Variants in FNDC3B observed in about 807,000 individuals in gnomAD.
The protein encoded by FNDC3B is fibronectin type III domain containing 3B, also known as fibronectin type III domain-containing protein 3B.
A neutral mutation model predicts 151.5 loss-of-function variants in FNDC3B; 12 were observed. The ratio of observed to expected loss-of-function variants is 0.08; its 90% confidence interval spans 0.05 to 0.13. FNDC3B has a LOEUF of 0.13. Ranked by LOEUF, FNDC3B falls within the 10% of genes least tolerant of loss-of-function variation. The probability of loss-of-function intolerance (pLI) is 1.00; values close to 1 mark genes in which losing one functional copy is unlikely to be tolerated. For missense variants in FNDC3B, 1,214 were observed against 1,505.3 expected (o/e 0.81, Z 3.20); for synonymous variants, 528 against 549.0 (o/e 0.96, Z 0.54).
chr3:172,384,701 C>G lies in FNDC3B; in HGVS notation c.3303+3608C>G, dbSNP rs1249595983. 2.0e-5 allele frequency among the ~76,000 whole-genome samples: 3 copies of G among 152,312 alleles called. No homozygotes were observed. In the East Asian group the frequency reaches 5.8e-4, roughly 29 times the overall value. On this transcript the variant is annotated intron_variant, in intron 25 of 25. Coordinates refer to ENST00000415807, the MANE Select transcript of FNDC3B (RefSeq NM_022763.4). ...AAAAAGCAGCATTATTTGCTTGATA[C>G]CTATACACATCAGGCATTGCCAAAC... is the stretch of plus-strand genomic sequence containing the variant.
chr3:172,224,142 A>G (rs1726431047), intron 3 of FNDC3B, among the ~76,000 whole-genome samples: 1 of 152,246 alleles, frequency 6.6e-6, no homozygotes, highest in African/African-American at 2.4e-5. Context: ...AGGATGGGGC[A>G]GACATCATTG....
At chr3:172,371,949 C>T (rs1194086896) in intron 23 of FNDC3B, among the ~76,000 whole-genome samples, 1 of 152,174 alleles carries the variant, frequency 6.6e-6, no homozygotes. Context: ...GTATTAAAAA[C>T]AGTAGTATTT....
intron 23 of FNDC3B, among the ~76,000 whole-genome samples, chr3:172,373,607 A>G (rs1734986287): frequency 6.6e-6 from 1 of 152,226 alleles, no homozygotes; most frequent in African/African-American, 2.4e-5. Context: ...GAATTCTGAA[A>G]TTAAGTTGTC....
At chr3:172,134,564 T>G (rs1414816109) in intron 3 of FNDC3B, among the ~76,000 whole-genome samples, 1 of 152,180 alleles carries the variant, frequency 6.6e-6, no homozygotes, top group Non-Finnish European at 1.5e-5. Flanking sequence ...TTTCCCATAA[T>G]AAGCTGTATA....
intron 3 of FNDC3B, among the ~76,000 whole-genome samples, chr3:172,179,171 C>G (rs984383577): frequency 1.1e-4 from 16 of 152,266 alleles, no homozygotes; most frequent in Admixed American, 7.8e-4. Flanking sequence ...AAGCGATTCT[C>G]CTGCCTCAGC....
In FNDC3B at chr3:172,396,927, T is replaced by C. The variant is rs1001618899; in HGVS notation, c.3304-237T>C. Among the ~76,000 whole-genome samples the C allele has an allele frequency of 4.6e-5, 7 of 152,344 alleles. 1 individual carries two copies. Among genetic ancestry groups the C allele is most frequent in the African/African-American group, 1.7e-4 (7 of 41,568 alleles). ...AGCTGCATTTCTAGTCAGTGCCTTA[T>C]CTCCTTCTGTCAAAGTTCGAGTCAC... is the stretch of plus-strand genomic sequence containing the variant. On this transcript the variant is annotated intron_variant, in intron 25 of 25. Coordinates refer to ENST00000415807, the MANE Select transcript of FNDC3B (RefSeq NM_022763.4).
intron 7 of FNDC3B, 27 bp from the exon 8 acceptor site, chr3:172,295,336 C>A (rs767368402): frequency 4.4e-6 from 7 of 1,595,034 alleles, no homozygotes; most frequent in Middle Eastern, 3.3e-4. Flanking sequence ...GATTTGAATA[C>A]TTTTGTCCCA....
intron 11 of FNDC3B, among the ~76,000 whole-genome samples, chr3:172,320,669 A>C (rs79630218): frequency 0.029 from 4,342 of 152,338 alleles, 178 homozygotes; most frequent in African/African-American, 0.087. Context: ...TGTTAGTGCC[A>C]GGGTAATTAG....
intron 3 of FNDC3B, among the ~76,000 whole-genome samples, chr3:172,177,954 G>A (rs1723695597): frequency 6.6e-6 from 1 of 151,932 alleles, no homozygotes; most frequent in South Asian, 2.1e-4. Flanking sequence ...TGCAGTGTTC[G>A]GTTGTCTGTT....
At chr3:172,084,265 G>A (rs1718433160) in intron 1 of FNDC3B, among the ~76,000 whole-genome samples, 1 of 151,980 alleles carries the variant, frequency 6.6e-6, no homozygotes, top group Non-Finnish European at 1.5e-5. Flanking sequence ...GCTGGACAAT[G>A]TTGCAAAACC....
chr3:172,183,811 A>G (rs1459434439), intron 3 of FNDC3B, among the ~76,000 whole-genome samples: 1 of 152,188 alleles, frequency 6.6e-6, no homozygotes, highest in Non-Finnish European at 1.5e-5. Flanking sequence ...ACATCCCATC[A>G]TTTGATAGGT....
At chr3:172,355,443 T>G (rs1279578069) in intron 22 of FNDC3B, among the ~76,000 whole-genome samples, 2 of 152,306 alleles carry the variant, frequency 1.3e-5, no homozygotes, top group East Asian at 3.9e-4. Context: ...ACCAACAGCA[T>G]TAGCATCACC....
intron 11 of FNDC3B, among the ~76,000 whole-genome samples, chr3:172,313,956 G>C (rs1282312302): frequency 6.6e-6 from 1 of 152,118 alleles, no homozygotes; most frequent in Non-Finnish European, 1.5e-5. Flanking sequence ...TTGGTCTTTG[G>C]GTCCCACATT....
intron 6 of FNDC3B, among the ~76,000 whole-genome samples, chr3:172,281,326 A>G (rs890351248): frequency 2.6e-5 from 4 of 150,968 alleles, no homozygotes; most frequent in African/African-American, 7.3e-5. Flanking sequence ...GCTCACTGCA[A>G]CCTCCACATC....
intron 6 of FNDC3B, among the ~76,000 whole-genome samples, chr3:172,256,485 C>T (rs1269709028): frequency 4.6e-5 from 7 of 152,188 alleles, no homozygotes. Context: ...AAGAGCTGGG[C>T]CTTGAGCCTG....
chr3:172,272,436 G>A (rs758664053), intron 6 of FNDC3B, among the ~76,000 whole-genome samples: 1 of 152,122 alleles, frequency 6.6e-6, no homozygotes, highest in Non-Finnish European at 1.5e-5. Context: ...ACAGCTCTGA[G>A]ACCACATCTC....
At chr3:172,086,675 G>C (rs1438390610) in intron 1 of FNDC3B, among the ~76,000 whole-genome samples, 1 of 152,174 alleles carries the variant, frequency 6.6e-6, no homozygotes, top group African/African-American at 2.4e-5. Flanking sequence ...CTCATTAGGA[G>C]AATTGAAAAG....
Position 172,345,505 on chromosome 3 carries a change from C to T in FNDC3B, c.2251-822C>T, listed in dbSNP as rs145567317. Among the ~76,000 whole-genome samples, 11 of 152,282 alleles carry T rather than the reference C, an allele frequency of 7.2e-5. No individual in the cohort carries two copies. In the East Asian group the frequency reaches 2.1e-3, roughly 29 times the overall value. Reference sequence around the variant, plus strand: ...TTAACCATATATATCGCTGTAGTCACCTTCTGAGGTCCATTTCAGAGAGCT... The same window carrying T: ...TTAACCATATATATCGCTGTAGTCATCTTCTGAGGTCCATTTCAGAGAGCT... On this transcript the variant is annotated intron_variant, in intron 19 of 25. Coordinates refer to ENST00000415807, the MANE Select transcript of FNDC3B (RefSeq NM_022763.4).
At position 172,190,931 on chromosome 3, in the gene FNDC3B, A is replaced by G. The variant is rs554557436; in HGVS notation, c.188-35940A>G. Among the ~76,000 whole-genome samples the G allele has an allele frequency of 2.0e-5, 3 of 152,300 alleles. No homozygotes were observed. The South Asian group carries it at 6.2e-4, about 32-fold the overall frequency. On this transcript the variant is annotated intron_variant, in intron 3 of 25. Coordinates refer to ENST00000415807, the MANE Select transcript of FNDC3B (RefSeq NM_022763.4). ...TGATCCGCCTGCCTTGGCCTGCCAA[A>G]GTGCTGGGATTACAGGCGTGAGCCA...
Sources: allele counts gnomAD v4.1 joint callset (sites outside exome capture counted in the v4.1 genomes callset), GRCh38; gene constraint gnomAD v4.1.1; transcripts MANE v1.5; gene names NCBI Gene and HGNC (gene_info 2026-07-23, HGNC 2026-07-21).